Variants in PAK5 observed in about 807,000 individuals in gnomAD.
PAK5 encodes the protein p21 (RAC1) activated kinase 5.
Under a neutral mutation model 65.9 loss-of-function variants are expected in PAK5, and 16 were observed. That is an observed-to-expected ratio of 0.24 (90% CI 0.16 to 0.37). The LOEUF (loss-of-function observed/expected upper bound fraction) is 0.37. PAK5 is among the 10% of genes least tolerant of loss of function. The pLI is 1.00. For missense variants in PAK5, 785 were observed against 903.9 expected (o/e 0.87, Z 1.69); for synonymous variants, 371 against 354.9 (o/e 1.05, Z -0.51).
chr20:9,671,223 G>A (rs1259341083), intron 2 of PAK5, among the ~76,000 whole-genome samples: 1 of 152,122 alleles, frequency 6.6e-6, no homozygotes, highest in Non-Finnish European at 1.5e-5. Flanking sequence ...CTCCAGCTTT[G>A]TTCTTTTGGC....
chr20:9,556,031 T>C (rs2045501080), intron 7 of PAK5, among the ~76,000 whole-genome samples: 1 of 152,168 alleles, frequency 6.6e-6, no homozygotes, highest in Non-Finnish European at 1.5e-5. Flanking sequence ...GGTACAGAGA[T>C]GAGTTGTCCC....
chr20:9,737,007 T>C (rs1238901087), intron 1 of PAK5, among the ~76,000 whole-genome samples: 1 of 151,390 alleles, frequency 6.6e-6, no homozygotes, highest in East Asian at 1.9e-4. Context: ...AAATCTTTAC[T>C]GAAAGAAAAA....
chr20:9,832,917 A>G lies in PAK5; in HGVS notation c.-162+5845T>C, dbSNP rs548636982. Among the ~76,000 whole-genome samples the G allele has an allele frequency of 2.0e-5, 3 of 152,296 alleles. No individual in the cohort carries two copies. The East Asian group carries it at 5.8e-4, about 29-fold the overall frequency. Reference sequence around the variant, plus strand: ...CAGGGCTATCATGAACTGTCATGTCATGTTTGGTGTCAATATTGTTTTCCA... The same window carrying G: ...CAGGGCTATCATGAACTGTCATGTCGTGTTTGGTGTCAATATTGTTTTCCA... On this transcript the variant is annotated intron_variant, in intron 1 of 9. Transcript: ENST00000353224.
At chr20:9,816,721 G>A (rs1184666539) in intron 1 of PAK5, among the ~76,000 whole-genome samples, 1 of 152,144 alleles carries the variant, frequency 6.6e-6, no homozygotes, top group African/African-American at 2.4e-5. Flanking sequence ...CTTGCAGATA[G>A]CAGATCATGG....
chr20:9,612,056 C>G (rs6056756), intron 3 of PAK5, among the ~76,000 whole-genome samples: 46,852 of 152,080 alleles, frequency 0.31, 8,223 homozygotes, highest in African/African-American at 0.48. Context: ...CACCCCCATG[C>G]CCCTGAGGCA....
chr20:9,807,403 C>T (rs931796361), intron 1 of PAK5, among the ~76,000 whole-genome samples: 2 of 152,180 alleles, frequency 1.3e-5, no homozygotes, highest in East Asian at 1.9e-4. Flanking sequence ...AGCACCCATA[C>T]GGCAGGGTGG....
rs980821435 is a variant in PAK5 at position 9,586,936 on chromosome 20, A to C, written c.205-6006T>G. ...TTATTTTGTATCTTAGGCTTATAGC[A>C]CTTATGAGATAGGTAATATTAAGTG... On this transcript the variant is annotated intron_variant, in intron 3 of 9. Coordinates refer to ENST00000353224, the MANE Select transcript of PAK5 (RefSeq NM_177990.4). 4.6e-5 allele frequency among the ~76,000 whole-genome samples: 7 copies of C among 152,214 alleles called. No homozygotes were observed. In the East Asian group the frequency reaches 1.3e-3, roughly 29 times the overall value.
chr20:9,814,557 T>C (rs1009131130), intron 1 of PAK5, among the ~76,000 whole-genome samples: 4 of 151,942 alleles, frequency 2.6e-5, no homozygotes, highest in African/African-American at 9.7e-5. Context: ...ACTATTAGAG[T>C]TTTTAGTTTA....
At chr20:9,672,169 G>C (rs552520006) in intron 2 of PAK5, among the ~76,000 whole-genome samples, 1 of 151,384 alleles carries the variant, frequency 6.6e-6, no homozygotes, top group Non-Finnish European at 1.5e-5. Flanking sequence ...AGGAACTAAC[G>C]CATCAATTTT....
intron 1 of PAK5, among the ~76,000 whole-genome samples, chr20:9,779,449 TC>T (rs2048919188): frequency 1.3e-5 from 2 of 149,606 alleles, no homozygotes; most frequent in African/African-American, 5.0e-5. Flanking sequence ...TCAGTATCGT[TC>T]TTTTTTTCAC....
chr20:9,768,508 C>T (rs6133747), intron 1 of PAK5, among the ~76,000 whole-genome samples: 4 of 151,944 alleles, frequency 2.6e-5, no homozygotes, highest in African/African-American at 9.7e-5. Flanking sequence ...AGGGGCCAGG[C>T]GCGGTGGCTC....
intron 1 of PAK5, among the ~76,000 whole-genome samples, chr20:9,739,997 C>T (rs1329823071): frequency 6.6e-6 from 1 of 152,090 alleles, no homozygotes; most frequent in East Asian, 1.9e-4. Context: ...CAACCAGAAG[C>T]TATATTTGGC....
At position 9,580,812 on chromosome 20, in the gene PAK5, G is replaced by A; in HGVS notation, c.323C>T (p.Pro108Leu). The change falls in exon 4 of 10, where the codon CCA (proline) becomes CTA (leucine). Residue 108 changes from proline to leucine, a missense_variant. By Grantham distance (98) the Pro-to-Leu change is moderately conservative (BLOSUM62 -3). Transcript: ENST00000353224. ...ACCGTGGCTGGAGGCTCCCTGATCT[G>A]GGGTGGGTGGGCTTTCTTTCCTTAG... is the stretch of plus-strand genomic sequence containing the variant. ...NSLRKESPPT[P>L]DQGASSHGPG... 1 of 1,613,982 alleles carries A rather than the reference G, an allele frequency of 6.2e-7. No homozygotes were observed. The highest frequency in any genetic ancestry group is 2.2e-5 in the East Asian group (1 of 44,860).
At chr20:9,714,535 GTGT>G (rs2048118442) in intron 1 of PAK5, among the ~76,000 whole-genome samples, 1 of 152,092 alleles carries the variant, frequency 6.6e-6, no homozygotes, top group Non-Finnish European at 1.5e-5. Context: ...TGTTTTAAAG[GTGT>G]TGTGAAGATT....
At chr20:9,544,015 T>C (rs2045306126) in intron 8 of PAK5, among the ~76,000 whole-genome samples, 1 of 152,238 alleles carries the variant, frequency 6.6e-6, no homozygotes, top group South Asian at 2.1e-4. Flanking sequence ...TTTCTCTGAA[T>C]TCTCATGCCT....
chr20:9,698,671 G>T (rs1469787521), intron 2 of PAK5, among the ~76,000 whole-genome samples: 1 of 152,096 alleles, frequency 6.6e-6, no homozygotes, highest in East Asian at 1.9e-4. Context: ...GACAAAGCAT[G>T]GATTTCACTT....
chr20:9,609,179 G>A (rs576453388), intron 3 of PAK5, among the ~76,000 whole-genome samples: 6 of 152,244 alleles, frequency 3.9e-5, no homozygotes, highest in African/African-American at 1.4e-4. Context: ...AGCCTCTCTA[G>A]TAATGAAGAC....
At chr20:9,602,469 G>A (rs1459113134) in intron 3 of PAK5, among the ~76,000 whole-genome samples, 1 of 152,082 alleles carries the variant, frequency 6.6e-6, no homozygotes, top group Non-Finnish European at 1.5e-5. Context: ...TTGGTGTCTG[G>A]GATGTGCTTA....
At chr20:9,800,143 T>G (rs1454640590) in intron 1 of PAK5, among the ~76,000 whole-genome samples, 1 of 152,066 alleles carries the variant, frequency 6.6e-6, no homozygotes. Context: ...TTTAGGCTTC[T>G]TAGCCAAGGT....
Sources: allele counts gnomAD v4.1 joint callset (sites outside exome capture counted in the v4.1 genomes callset), GRCh38; gene constraint gnomAD v4.1.1; transcripts MANE v1.5; gene names NCBI Gene and HGNC (gene_info 2026-07-23, HGNC 2026-07-21).